ADAMTS3: variants seen among roughly 807,000 people sequenced by gnomAD.
ADAMTS3 encodes A disintegrin and metalloproteinase with thrombospondin motifs 3.
ADAMTS3 carries 73 observed loss-of-function variants against 129.0 expected under a neutral mutation model. The observed-to-expected ratio is 0.57, with a 90% CI of 0.47 to 0.69. The LOEUF (loss-of-function observed/expected upper bound fraction) is 0.69. Among genes scored for constraint, ADAMTS3 ranks in the 30% least tolerant of loss-of-function variants. ADAMTS3 has a pLI of 0.00. For missense variants in ADAMTS3, 1,457 were observed against 1,514.5 expected (o/e 0.96, Z 0.63); for synonymous variants, 477 against 510.8 (o/e 0.93, Z 0.89).
At chr4:72,546,377 G>A (rs747155991) in intron 3 of ADAMTS3, among the ~76,000 whole-genome samples, 6 of 151,836 alleles carry the variant, frequency 4.0e-5, no homozygotes, top group African/African-American at 9.7e-5. Flanking sequence ...CCTTTCCTGA[G>A]TTTATCCAAT....
chr4:72,551,809 C>T (rs1476047181), intron 2 of ADAMTS3, among the ~76,000 whole-genome samples: 2 of 152,184 alleles, frequency 1.3e-5, no homozygotes, highest in Non-Finnish European at 2.9e-5. Flanking sequence ...ACTCTGAAGA[C>T]CATGCTCCTA....
intron 4 of ADAMTS3, among the ~76,000 whole-genome samples, chr4:72,372,918 A>G (rs919706924): frequency 6.6e-6 from 1 of 152,202 alleles, no homozygotes; most frequent in African/African-American, 2.4e-5. Context: ...GTAGCCAAAT[A>G]TAATTTTGCT....
At chr4:72,409,705 C>A (rs1722141543) in intron 4 of ADAMTS3, among the ~76,000 whole-genome samples, 1 of 152,104 alleles carries the variant, frequency 6.6e-6, no homozygotes, top group Non-Finnish European at 1.5e-5. Context: ...AAGTATTATC[C>A]TTTATGTTTC....
At chr4:72,534,588 T>G (rs1721140768) in intron 3 of ADAMTS3, among the ~76,000 whole-genome samples, 1 of 152,182 alleles carries the variant, frequency 6.6e-6, no homozygotes, top group African/African-American at 2.4e-5. Flanking sequence ...CCAGAAATTT[T>G]GTATGTTTTT....
At chr4:72,449,936 A>T (rs1188713998) in intron 3 of ADAMTS3, among the ~76,000 whole-genome samples, 2 of 150,802 alleles carry the variant, frequency 1.3e-5, no homozygotes. Flanking sequence ...ACTTCTTGTC[A>T]TGTAACACTA....
At position 72,569,081 on chromosome 4, in the gene ADAMTS3, T is replaced by C; in HGVS notation, c.-319A>G. The C allele has an allele frequency of 2.5e-6, 1 of 395,362 alleles. No homozygotes were observed. The allele number at this position is 395,362 out of a possible 1,614,324, so 24.5% of individuals were successfully genotyped here. ...GAAGGGACGAGGGGCTTTCCAACTA[T>C]CTCTGCCCAAAGCAGCTTTTTCGAG... On this transcript the variant is annotated 5_prime_UTR_variant, in exon 1 of 22. Transcript: ENST00000286657.
At chr4:72,403,669 T>A (rs913166369) in intron 4 of ADAMTS3, among the ~76,000 whole-genome samples, 3 of 152,048 alleles carry the variant, frequency 2.0e-5, no homozygotes, top group Admixed American at 1.3e-4. Context: ...CTTAACACTA[T>A]TTTTTGCTAT....
intron 4 of ADAMTS3, among the ~76,000 whole-genome samples, chr4:72,414,256 T>C (rs1722251637): frequency 6.6e-6 from 1 of 151,912 alleles, no homozygotes; most frequent in African/African-American, 2.4e-5. Context: ...TAGAAAACTT[T>C]GATGCAACAT....
At chr4:72,366,961 T>C (rs1720885127) in intron 4 of ADAMTS3, among the ~76,000 whole-genome samples, 1 of 152,036 alleles carries the variant, frequency 6.6e-6, no homozygotes, top group East Asian at 1.9e-4. Flanking sequence ...TTATCCTCTT[T>C]TGCTCTCCTC....
chr4:72,350,052 T>C (rs1314681601), intron 4 of ADAMTS3, among the ~76,000 whole-genome samples: 1 of 152,068 alleles, frequency 6.6e-6, no homozygotes, highest in Non-Finnish European at 1.5e-5. Flanking sequence ...TGGAATACTA[T>C]AATTCCTAGT....
chr4:72,317,618 A>T (rs1719433257), intron 10 of ADAMTS3, among the ~76,000 whole-genome samples: 1 of 152,094 alleles, frequency 6.6e-6, no homozygotes, highest in Non-Finnish European at 1.5e-5. Flanking sequence ...CACTTTAATT[A>T]TATTATCAAA....
At chr4:72,458,608 T>C (rs1718686377) in intron 3 of ADAMTS3, among the ~76,000 whole-genome samples, 1 of 151,520 alleles carries the variant, frequency 6.6e-6, no homozygotes, top group Non-Finnish European at 1.5e-5. Flanking sequence ...AAATGGATAA[T>C]TCAATGAATA....
chr4:72,492,364 G>T (rs1719770645), intron 3 of ADAMTS3, among the ~76,000 whole-genome samples: 1 of 149,336 alleles, frequency 6.7e-6, no homozygotes. Context: ...TTCAATATAG[G>T]CATTTATACC....
chr4:72,284,374 G>A (rs928031828), intron 21 of ADAMTS3, among the ~76,000 whole-genome samples: 4 of 151,516 alleles, frequency 2.6e-5, no homozygotes, highest in African/African-American at 4.8e-5. Flanking sequence ...GAACCCAGGA[G>A]GTGGAGCTTG....
At chr4:72,408,030 T>C (rs1474461822) in intron 4 of ADAMTS3, among the ~76,000 whole-genome samples, 1 of 152,054 alleles carries the variant, frequency 6.6e-6, no homozygotes, top group Non-Finnish European at 1.5e-5. Context: ...CAGTTGAAAA[T>C]TAGAGTAAAA....
Position 72,548,727 on chromosome 4 carries a change from C to T in ADAMTS3, c.255G>A (p.Thr85=), listed in dbSNP as rs1721533247. The T allele has an allele frequency of 3.7e-6, 6 of 1,613,834 alleles. No homozygotes were observed. The highest frequency in any genetic ancestry group is 1.6e-4 in the Middle Eastern group (1 of 6,080). ...SNPEQLFFNI[T]AFGKDFHLRL... ...GCAGATGAAAATCTTTTCCAAATGCCGTGATGTTAAAGAACAACTGCTCAG... is the reference window on the plus strand; with the variant it reads ...GCAGATGAAAATCTTTTCCAAATGCTGTGATGTTAAAGAACAACTGCTCAG... Residue 85 remains threonine, a synonymous_variant, in exon 3 of 22, where the codon ACG becomes ACA. Coordinates refer to ENST00000286657, the MANE Select transcript of ADAMTS3 (RefSeq NM_014243.3).
chr4:72,319,093 A>T (rs978832847), intron 9 of ADAMTS3, among the ~76,000 whole-genome samples: 1 of 152,194 alleles, frequency 6.6e-6, no homozygotes, highest in Admixed American at 6.5e-5. Flanking sequence ...ATTCGATAAC[A>T]ATTTACTAAA....
At chr4:72,558,841 C>T (rs990005969) in intron 2 of ADAMTS3, among the ~76,000 whole-genome samples, 3 of 151,724 alleles carry the variant, frequency 2.0e-5, no homozygotes, top group Non-Finnish European at 4.4e-5. Context: ...AGTACTGCAT[C>T]CCCTGACCAC....
intron 4 of ADAMTS3, among the ~76,000 whole-genome samples, chr4:72,376,366 A>G (rs1721133731): frequency 6.6e-6 from 1 of 152,252 alleles, no homozygotes; most frequent in Admixed American, 6.5e-5. Context: ...TAAGGGCACT[A>G]ATCACTAGCA....
Sources: allele counts gnomAD v4.1 joint callset (sites outside exome capture counted in the v4.1 genomes callset), GRCh38; gene constraint gnomAD v4.1.1; transcripts MANE v1.5; gene names NCBI Gene and HGNC (gene_info 2026-07-23, HGNC 2026-07-21).